The following RFT1 variants were observed in gnomAD, a reference collection of about 807,000 sequenced individuals.
RFT1 encodes man(5)GlcNAc(2)-PP-dolichol translocation protein RFT1.
A neutral mutation model predicts 62.2 loss-of-function variants in RFT1; 43 were observed. The observed-to-expected ratio is 0.69, with a 90% confidence interval of 0.54 to 0.89. RFT1 has a LOEUF of 0.89. Ranked by LOEUF, RFT1 falls within the 40% of genes least tolerant of loss-of-function variation. RFT1 has a pLI of 0.00. For synonymous variants in RFT1, 262 were observed against 264.6 expected (o/e 0.99, Z 0.10); for missense variants, 605 against 649.9 (o/e 0.93, Z 0.75).
chr3:53,093,901 C>T (rs769960183), intron 11 of RFT1, among the ~76,000 whole-genome samples: 4 of 152,112 alleles, frequency 2.6e-5, no homozygotes, highest in Admixed American at 6.5e-5. Flanking sequence ...GTTGTCCCAG[C>T]GACTTGGGAG....
At chr3:53,119,796 A>G in intron 6 of RFT1, 88 bp downstream of exon 6, 1 of 1,215,844 alleles carries the variant, frequency 8.2e-7, no homozygotes, top group South Asian at 1.4e-5. Flanking sequence ...ATTTATGATT[A>G]TAACAATAAA....
intron 6 of RFT1, among the ~76,000 whole-genome samples, chr3:53,113,283 G>C (rs199749176): frequency 1.3e-5 from 2 of 152,206 alleles, no homozygotes; most frequent in Non-Finnish European, 2.9e-5. Flanking sequence ...CCAAAGTACT[G>C]GGATTCCAGG....
At chr3:53,099,281 A>ATCTGTAAATGCATGT in intron 11 of RFT1, 100 bp downstream of exon 11, 1 of 934,382 alleles carries the variant, frequency 1.1e-6, no homozygotes. Flanking sequence ...TAAAACAGCC[A>ATCTGTAAATGCATGT]TCTGTAAATG....
intron 6 of RFT1, among the ~76,000 whole-genome samples, chr3:53,114,225 G>T (rs1701731727): frequency 6.6e-6 from 1 of 152,132 alleles, no homozygotes; most frequent in Admixed American, 6.6e-5. Context: ...TCCTCCCAGG[G>T]GTCAGCAAAG....
chr3:53,072,947 A>G, the RFT1 span, among the ~76,000 whole-genome samples: 1 of 152,214 alleles, frequency 6.6e-6, no homozygotes, highest in South Asian at 2.1e-4. Flanking sequence ...CACAGCAACA[A>G]GCAGGCATTT....
chr3:53,080,409 C>T, the RFT1 span, among the ~76,000 whole-genome samples: 1 of 152,232 alleles, frequency 6.6e-6, no homozygotes, highest in South Asian at 2.1e-4. Flanking sequence ...GCCAAAGCTC[C>T]TGCAGGGCCA....
intron 6 of RFT1, 98 bp from the exon 7 acceptor site, chr3:53,112,006 C>T: frequency 2.2e-6 from 2 of 924,348 alleles, no homozygotes; most frequent in East Asian, 2.4e-5. Context: ...GTCTCTAAAT[C>T]CCAACTTGGA....
intron 10 of RFT1, among the ~76,000 whole-genome samples, chr3:53,101,601 C>G (rs549100959): frequency 9.9e-5 from 15 of 152,240 alleles, no homozygotes; most frequent in African/African-American, 3.6e-4. Flanking sequence ...AACTGTCCCC[C>G]CAAAATAGAT....
rs1347081893 is a variant in RFT1 at position 53,130,427 on chromosome 3, G to T, written c.-27C>A. ...GCCTCCGCGCCAGGCTCAGACACCA[G>T]GAAATGCCGCCGCCACTCCGTTTAG... is the stretch of plus-strand genomic sequence containing the variant. On this transcript the variant is annotated 5_prime_UTR_variant, in exon 1 of 13. The change creates a new upstream start codon in the 5' untranslated region. Transcript: ENST00000296292. 1 of 1,550,330 alleles carries T rather than the reference G, an allele frequency of 6.5e-7. No homozygotes were observed. Among genetic ancestry groups the T allele is most frequent in the South Asian group, 1.2e-5 (1 of 84,076 alleles).
chr3:53,123,657 T>C, intron 3 of RFT1, 67 bp downstream of exon 3: 3 of 1,248,414 alleles, frequency 2.4e-6, no homozygotes, highest in Non-Finnish European at 3.5e-6. Flanking sequence ...CACGTGTTAC[T>C]GTTTCATTTC....
chr3:53,080,805 T>C, the RFT1 span, among the ~76,000 whole-genome samples: 1 of 152,046 alleles, frequency 6.6e-6, no homozygotes, highest in Non-Finnish European at 1.5e-5. Flanking sequence ...GATTCACAGC[T>C]TGAAGGGGGT....
In RFT1 at chr3:53,122,358, C is replaced by G; in HGVS notation, c.456+16G>C. On this transcript the variant is annotated intron_variant, in intron 4 of 12. Coordinates refer to ENST00000296292, the MANE Select transcript of RFT1 (RefSeq NM_052859.4). The stretch of plus-strand genomic sequence containing the variant: ...TATTCTTCCCATTTCCCATTCACAG[C>G]AGAAGGTGCACTGACCTTGAGCTTC... 1 of 1,612,460 alleles carries G rather than the reference C, an allele frequency of 6.2e-7. No individual in the cohort carries two copies. The highest frequency in any genetic ancestry group is 8.5e-7 in the Non-Finnish European group (1 of 1,178,590).
the RFT1 span, among the ~76,000 whole-genome samples, chr3:53,075,129 G>C: frequency 2.6e-5 from 4 of 152,324 alleles, no homozygotes; most frequent in Admixed American, 6.5e-5. Flanking sequence ...CCCCACCACA[G>C]AGACAGAGGC....
chr3:53,073,405 G>C, the RFT1 span, among the ~76,000 whole-genome samples: 3 of 152,202 alleles, frequency 2.0e-5, no homozygotes, highest in Non-Finnish European at 4.4e-5. Flanking sequence ...CGGGGAGGAG[G>C]GAAAGTAAGC....
Position 53,130,414 on chromosome 3 carries a change from G to C in RFT1, c.-14C>G, listed in dbSNP as rs1316882402. On this transcript the variant is annotated 5_prime_UTR_variant, in exon 1 of 13. Transcript: ENST00000296292. ...CTGGCTGCCCATAGCCTCCGCGCCAGGCTCAGACACCAGGAAATGCCGCCG... is the reference window on the plus strand; with the variant it reads ...CTGGCTGCCCATAGCCTCCGCGCCACGCTCAGACACCAGGAAATGCCGCCG... The C allele has an allele frequency of 1.3e-6, 2 of 1,551,352 alleles. No individual in the cohort carries two copies. Among genetic ancestry groups the C allele is most frequent in the African/African-American group, 1.4e-5 (1 of 73,230 alleles).
At position 53,130,402 on chromosome 3, in the gene RFT1, G is replaced by A. The variant is rs1195018336; in HGVS notation, c.-2C>T. On this transcript the variant is annotated 5_prime_UTR_variant, in exon 1 of 13. Coordinates refer to ENST00000296292, the MANE Select transcript of RFT1 (RefSeq NM_052859.4). ...GCCCAGCACCTCCTGGCTGCCCATA[G>A]CCTCCGCGCCAGGCTCAGACACCAG... The A allele has an allele frequency of 3.2e-6, 5 of 1,552,754 alleles. No homozygotes were observed. The East Asian group carries it at 1.2e-4, about 38-fold the overall frequency.
At chr3:53,101,944 C>T (rs1048767014) in intron 10 of RFT1, among the ~76,000 whole-genome samples, 3 of 151,458 alleles carry the variant, frequency 2.0e-5, no homozygotes, top group Non-Finnish European at 4.4e-5. Context: ...GAGGCTGAGG[C>T]GGGAGTCTCT....
chr3:53,127,492 G>C (rs111438148), intron 1 of RFT1, among the ~76,000 whole-genome samples: 7,141 of 152,182 alleles, frequency 0.047, 583 homozygotes, highest in African/African-American at 0.16. Flanking sequence ...ATGAGGTCAG[G>C]AGATCGAGAC....
At chr3:53,085,538 A>G (rs770283912), downstream of RFT1, among the ~76,000 whole-genome samples, 5 of 152,194 alleles carry the variant, frequency 3.3e-5, no homozygotes, top group Non-Finnish European at 5.9e-5. Context: ...ACATACCACC[A>G]TATCAGTTAG....
Sources: allele counts gnomAD v4.1 joint callset (sites outside exome capture counted in the v4.1 genomes callset), GRCh38; gene constraint gnomAD v4.1.1; transcripts MANE v1.5; gene names NCBI Gene and HGNC (gene_info 2026-07-23, HGNC 2026-07-21).